DMD: variants seen among roughly 807,000 people sequenced by gnomAD.
The protein encoded by DMD is dystrophin, also known as mutant dystrophin.
Under a neutral mutation model 330.1 loss-of-function variants are expected in DMD, and 63 were observed. The observed-to-expected ratio is 0.19, with a 90% CI of 0.16 to 0.24. The LOEUF (loss-of-function observed/expected upper bound fraction) is 0.24. Among genes scored for constraint, DMD ranks in the 10% least tolerant of loss-of-function variants. The probability of loss-of-function intolerance (pLI) is 1.00; values close to 1 mark genes in which losing one functional copy is unlikely to be tolerated. For missense variants in DMD, 3,344 were observed against 2,684.1 expected, an observed-to-expected ratio of 1.25 and a Z score of -5.43; for synonymous variants, 1,223 against 959.8, an observed-to-expected ratio of 1.27 and a Z score of -5.07.
At chrX:33,317,177 A>G (rs966199149) in intron 1 of DMD, among the ~76,000 whole-genome samples, 1 of 111,058 alleles carries the variant, frequency 9.0e-6, no homozygotes, top group Non-Finnish European at 1.9e-5. Context: ...ACAATACACA[A>G]TAACTATTAC....
At chrX:32,922,783 G>A (rs1039621219) in intron 2 of DMD, among the ~76,000 whole-genome samples, 1 of 111,699 alleles carries the variant, frequency 9.0e-6, no homozygotes, top group South Asian at 3.7e-4. Context: ...CCCTGCTTTG[G>A]GGAGAACAGC....
chrX:31,209,763 T>C, intron 64 of DMD, 64 bp from the exon 65 acceptor site: 3 of 1,056,811 alleles, frequency 2.8e-6, no homozygotes, highest in African/African-American at 3.7e-5. Context: ...AGTGTCCTTT[T>C]TCCTCTGAGA....
intron 2 of DMD, among the ~76,000 whole-genome samples, chrX:32,994,323 G>GC (rs1407142810): frequency 2.9e-4 from 27 of 94,023 alleles, no homozygotes; most frequent in Non-Finnish European, 4.7e-4. Context: ...AAAGGTGGAA[G>GC]CCCCCAATTT....
intron 54 of DMD, among the ~76,000 whole-genome samples, chrX:31,638,657 ATTATT>A (rs1426649965): frequency 3.6e-5 from 4 of 112,605 alleles, no homozygotes; most frequent in Non-Finnish European, 7.5e-5. Flanking sequence ...ATTGTAAAAC[ATTATT>A]TTATCTCAAT....
At position 31,206,564 on chromosome X, in the gene DMD, T is replaced by G; in HGVS notation, c.9649+18A>C. 1 of 1,165,737 alleles carries G rather than the reference T, an allele frequency of 8.6e-7. No individual in the cohort carries two copies. The highest frequency in any genetic ancestry group is 3.0e-5 in the East Asian group (1 of 33,560). On this transcript the variant is annotated intron_variant, in intron 66 of 78. Transcript: ENST00000357033. ...CCAACATTAATAAAAGAATACAGCA[T>G]TAATATACACGACTTACATCTGTAC... is the stretch of plus-strand genomic sequence containing the variant.
intron 55 of DMD, among the ~76,000 whole-genome samples, chrX:31,593,682 T>C (rs2076980063): frequency 9.0e-6 from 1 of 111,075 alleles, no homozygotes; most frequent in African/African-American, 3.3e-5. Context: ...TAAATTTTAG[T>C]CCACATTTTC....
chrX:31,454,746 C>A (rs191275487), intron 59 of DMD, among the ~76,000 whole-genome samples: 1 of 109,977 alleles, frequency 9.1e-6, no homozygotes, highest in Non-Finnish European at 1.9e-5. Flanking sequence ...CTTTTTATTT[C>A]TTTATTTATT....
At chrX:31,483,260 A>T (rs967867133) in intron 57 of DMD, among the ~76,000 whole-genome samples, 6 of 108,639 alleles carry the variant, frequency 5.5e-5, no homozygotes, top group Non-Finnish European at 7.6e-5. Flanking sequence ...GTTAGCCAGG[A>T]TGGTCTCCAT....
chrX:32,030,910 A>G (rs1390556361), intron 44 of DMD, among the ~76,000 whole-genome samples: 1 of 111,845 alleles, frequency 8.9e-6, no homozygotes, highest in Non-Finnish European at 1.9e-5. Flanking sequence ...GAATTTAAAC[A>G]GGCAGTTTAA....
At chrX:32,412,699 T>G (rs2098148245) in intron 29 of DMD, among the ~76,000 whole-genome samples, 1 of 111,437 alleles carries the variant, frequency 9.0e-6, no homozygotes, top group Non-Finnish European at 1.9e-5. Context: ...AAGTAAGAAA[T>G]AGGGCAGGCA....
chrX:32,083,272 CT>C lies in DMD; in HGVS notation c.6439-114759del, dbSNP rs56029341. 5.6e-3 allele frequency among the ~76,000 whole-genome samples: 580 copies of C among 102,921 alleles called. 3 individuals are homozygous for C. Among genetic ancestry groups the C allele is most frequent in the Non-Finnish European group, 8.1e-3 (409 of 50,492 alleles). The allele number at this position is 102,921 out of a possible 115,157, so 89.4% of individuals were successfully genotyped here. The stretch of plus-strand genomic sequence containing the variant: ...TCTGATAGCCACCTGAATAAAAAAT[CT>C]TTTTTTTTTTTCTTTTTTTGAGATG... On this transcript the variant is annotated intron_variant, in intron 44 of 78. Coordinates refer to ENST00000357033, the MANE Select transcript of DMD (RefSeq NM_004006.3).
At chrX:31,692,500 A>T (rs1020815237) in intron 52 of DMD, among the ~76,000 whole-genome samples, 2 of 111,698 alleles carry the variant, frequency 1.8e-5, no homozygotes, top group Non-Finnish European at 3.8e-5. Flanking sequence ...TTGAAAAGCT[A>T]AACACAATTG....
intron 2 of DMD, among the ~76,000 whole-genome samples, chrX:33,001,371 A>T (rs1032474239): frequency 1.8e-5 from 2 of 111,948 alleles, no homozygotes; most frequent in Non-Finnish European, 1.9e-5. Flanking sequence ...GACTGTGGTG[A>T]TAGTTCTAAA....
At chrX:31,788,701 T>C (rs2091430194) in intron 50 of DMD, among the ~76,000 whole-genome samples, 1 of 111,527 alleles carries the variant, frequency 9.0e-6, no homozygotes, top group African/African-American at 3.2e-5. Flanking sequence ...CTGTAGTTTG[T>C]CTCTTTCTTT....
rs111990486 is a variant in DMD, at chrX:33,254,797, G to A, written c.7+84462C>T. Among the ~76,000 whole-genome samples the A allele has an allele frequency of 8.5e-3, 941 of 110,121 alleles. 12 individuals are homozygous for A. Among genetic ancestry groups the A allele is most frequent in the African/African-American group, 0.029 (897 of 30,555 alleles). ...TTGGATAAAGGTTTTGATTTCATGA[G>A]TTAAATTTTTTTTTCTTCTTATTGC... On this transcript the variant is annotated intron_variant, in intron 1 of 17. Transcript: ENST00000288447.
chrX:32,541,101 GA>G (rs1483043770), intron 17 of DMD, among the ~76,000 whole-genome samples: 1 of 111,920 alleles, frequency 8.9e-6, no homozygotes, highest in Non-Finnish European at 1.9e-5. Context: ...AATAAATAAG[GA>G]AAAGAAAGTA....
At chrX:32,724,306 T>C (rs2066638141) in intron 7 of DMD, among the ~76,000 whole-genome samples, 1 of 111,813 alleles carries the variant, frequency 8.9e-6, no homozygotes, top group Non-Finnish European at 1.9e-5. Context: ...TATAAGGCTG[T>C]TATGGCTCAA....
chrX:32,151,725 ATTGTTTT>A (rs72205773), intron 44 of DMD, among the ~76,000 whole-genome samples: 26,864 of 110,071 alleles, frequency 0.24, 2,573 homozygotes, highest in Non-Finnish European at 0.3. Flanking sequence ...AACATGGTTT[ATTGTTTT>A]TTGTTTTTTA....
intron 2 of DMD, among the ~76,000 whole-genome samples, chrX:32,992,232 C>A (rs979602611): frequency 1.8e-5 from 2 of 111,636 alleles, no homozygotes; most frequent in African/African-American, 6.5e-5. Context: ...TATTTGTAAT[C>A]CAAGCAGCAG....
Sources: gnomAD v4.1 joint callset for allele counts (sites outside exome capture counted in the v4.1 genomes callset) on GRCh38, gnomAD v4.1.1 for gene constraint, MANE v1.5 for transcripts, NCBI Gene and HGNC (gene_info 2026-07-23, HGNC 2026-07-21) for gene names.